The following SCFD2 variants were observed in gnomAD, a reference collection of about 807,000 sequenced individuals.
SCFD2 encodes sec1 family domain containing 2.
Under a neutral mutation model 58.9 loss-of-function variants are expected in SCFD2, and 54 were observed. The ratio of observed to expected loss-of-function variants is 0.92; its 90% CI spans 0.74 to 1.15. The LOEUF (loss-of-function observed/expected upper bound fraction) is 1.15. Ranked by LOEUF, SCFD2 falls within the 50% of genes most tolerant of loss-of-function variation. The pLI is 0.00. For synonymous variants in SCFD2, 321 were observed against 335.9 expected (o/e 0.96, Z 0.49); for missense variants, 805 against 836.6 (o/e 0.96, Z 0.47).
intron 4 of SCFD2, among the ~76,000 whole-genome samples, chr4:53,252,601 C>A (rs1332957284): frequency 6.6e-6 from 1 of 151,668 alleles, no homozygotes; most frequent in Non-Finnish European, 1.5e-5. Context: ...ACTGTCTGAT[C>A]TTTGACAATC....
intron 2 of SCFD2, among the ~76,000 whole-genome samples, chr4:53,323,384 G>GT (rs1057276598): frequency 6.6e-6 from 1 of 151,956 alleles, no homozygotes; most frequent in Non-Finnish European, 1.5e-5. Flanking sequence ...TTTTGTTGTT[G>GT]TTTTTTTGGG....
At chr4:53,291,211 T>A (rs766635752) in intron 3 of SCFD2, among the ~76,000 whole-genome samples, 24 of 152,166 alleles carry the variant, frequency 1.6e-4, no homozygotes, top group Non-Finnish European at 2.4e-4. Context: ...AATACTAGCA[T>A]ACAAATTTAA....
intron 4 of SCFD2, among the ~76,000 whole-genome samples, chr4:53,241,219 T>C (rs1183076869): frequency 6.6e-6 from 1 of 152,076 alleles, no homozygotes; most frequent in African/African-American, 2.4e-5. Context: ...CTCAGAAAAG[T>C]ACGAGGGGCA....
chr4:53,242,980 C>T (rs1729947511), intron 4 of SCFD2, among the ~76,000 whole-genome samples: 1 of 152,084 alleles, frequency 6.6e-6, no homozygotes, highest in African/African-American at 2.4e-5. Flanking sequence ...AAATATGGAA[C>T]TATGTAAAGA....
At chr4:52,995,860 A>G (rs759291929) in intron 5 of SCFD2, among the ~76,000 whole-genome samples, 12 of 152,130 alleles carry the variant, frequency 7.9e-5, no homozygotes, top group Non-Finnish European at 1.8e-4. Flanking sequence ...AGGGTGCCCT[A>G]TTACCTCCTG....
chr4:53,285,441 A>T (rs1324793409), intron 3 of SCFD2, among the ~76,000 whole-genome samples: 3 of 152,036 alleles, frequency 2.0e-5, no homozygotes, highest in Non-Finnish European at 1.5e-5. Flanking sequence ...TCCCCATATC[A>T]TTCTCTCAGG....
intron 4 of SCFD2, among the ~76,000 whole-genome samples, chr4:53,222,650 G>A (rs79549484): frequency 0.015 from 2,326 of 151,654 alleles, 73 homozygotes; most frequent in African/African-American, 0.053. Flanking sequence ...CTATAATATT[G>A]ATTCCAAATG....
intron 5 of SCFD2, among the ~76,000 whole-genome samples, chr4:52,990,303 C>T (rs1721589614): frequency 6.6e-6 from 1 of 152,248 alleles, no homozygotes; most frequent in Non-Finnish European, 1.5e-5. Context: ...TGATATTAAT[C>T]TGTCTTCCCA....
chr4:53,061,541 G>A (rs569125129), intron 5 of SCFD2, among the ~76,000 whole-genome samples: 3 of 152,236 alleles, frequency 2.0e-5, no homozygotes, highest in Admixed American at 1.3e-4. Context: ...ACGAGGACAG[G>A]AGGACTACAA....
chr4:53,253,123 A>C (rs967955599), intron 4 of SCFD2, among the ~76,000 whole-genome samples: 7 of 152,228 alleles, frequency 4.6e-5, no homozygotes, highest in African/African-American at 1.7e-4. Flanking sequence ...ATGCAGCCAA[A>C]AGACACATGA....
chr4:53,284,261 C>T (rs554983886), intron 3 of SCFD2, among the ~76,000 whole-genome samples: 46 of 151,102 alleles, frequency 3.0e-4, no homozygotes, highest in Non-Finnish European at 5.5e-4. Context: ...ACCACATTGC[C>T]ACATTACCAT....
chr4:53,313,872 T>A, intron 2 of SCFD2, 109 bp from the exon 3 acceptor site: 2 of 917,478 alleles, frequency 2.2e-6, no homozygotes, highest in African/African-American at 1.7e-5. Flanking sequence ...AATGTAGTCT[T>A]TCCTACTGAT....
chr4:53,140,117 C>T (rs2148907954), intron 5 of SCFD2, among the ~76,000 whole-genome samples: 1 of 151,648 alleles, frequency 6.6e-6, no homozygotes, highest in East Asian at 1.9e-4. Flanking sequence ...CCTTTGTTCA[C>T]ATGTTTATCT....
At chr4:53,329,699 C>A (rs1014441018) in intron 2 of SCFD2, among the ~76,000 whole-genome samples, 8 of 152,180 alleles carry the variant, frequency 5.3e-5, no homozygotes, top group Non-Finnish European at 1.0e-4. Context: ...TCTCCTCCTC[C>A]AAAGGAACGC....
chr4:52,979,334 C>A (rs1171831775), intron 5 of SCFD2, among the ~76,000 whole-genome samples: 1 of 152,040 alleles, frequency 6.6e-6, no homozygotes, highest in East Asian at 1.9e-4. Flanking sequence ...ACAAAAAGAT[C>A]CATATACAAA....
intron 3 of SCFD2, among the ~76,000 whole-genome samples, chr4:53,287,674 C>T (rs1731712599): frequency 1.3e-5 from 2 of 152,254 alleles, no homozygotes; most frequent in South Asian, 4.1e-4. Flanking sequence ...GACACTAAAA[C>T]ATTTAAAAAG....
chr4:53,194,211 T>C (rs1028483922), intron 4 of SCFD2, among the ~76,000 whole-genome samples: 3 of 152,182 alleles, frequency 2.0e-5, no homozygotes, highest in African/African-American at 7.2e-5. Context: ...TTCCATCAAC[T>C]ATAGAGCATC....
At chr4:53,349,362 T>G (rs1234751245) in intron 2 of SCFD2, among the ~76,000 whole-genome samples, 2 of 152,214 alleles carry the variant, frequency 1.3e-5, no homozygotes, top group Non-Finnish European at 2.9e-5. Context: ...CGTCCAAACA[T>G]CGTGCATCAA....
intron 8 of SCFD2, among the ~76,000 whole-genome samples, chr4:52,882,999 G>A (rs1462282400): frequency 6.6e-6 from 1 of 152,168 alleles, no homozygotes; most frequent in Non-Finnish European, 1.5e-5. Flanking sequence ...ATGATCAAGT[G>A]AGGGTTACTC....
Sources: gnomAD v4.1 joint callset for allele counts (sites outside exome capture counted in the v4.1 genomes callset) on GRCh38, gnomAD v4.1.1 for gene constraint, MANE v1.5 for transcripts, NCBI Gene and HGNC (gene_info 2026-07-23, HGNC 2026-07-21) for gene names.